The following LITAF variants were observed in gnomAD, a reference collection of about 807,000 sequenced individuals.
LITAF encodes lipopolysaccharide-induced tumor necrosis factor-alpha factor.
A neutral mutation model predicts 14.5 loss-of-function variants in LITAF; 9 were observed. The ratio of observed to expected loss-of-function variants is 0.62; its 90% CI spans 0.37 to 1.08. The LOEUF is 1.08. Ranked by LOEUF, LITAF falls within the 50% of genes least tolerant of loss-of-function variation. The pLI is 0.01. For synonymous variants in LITAF, 98 were observed against 88.2 expected (o/e 1.11, Z -0.62); for missense variants, 206 against 213.4 (o/e 0.97, Z 0.22).
chr16:11,630,033 G>T (rs2065108497), intron 3 of LITAF, among the ~76,000 whole-genome samples: 1 of 152,162 alleles, frequency 6.6e-6, no homozygotes, highest in South Asian at 2.1e-4. Context: ...AGCACCCACA[G>T]GTGCTCAGCG....
chr16:11,612,344 T>G (rs966453250), intron 3 of LITAF, among the ~76,000 whole-genome samples: 6 of 152,106 alleles, frequency 3.9e-5, no homozygotes, highest in Non-Finnish European at 8.8e-5. Flanking sequence ...ATCATTCTTG[T>G]GAAAAGGGGC....
chr16:11,560,583 A>C (rs112033749), intron 1 of LITAF, among the ~76,000 whole-genome samples: 48 of 27,586 alleles, frequency 1.7e-3, no homozygotes, highest in Non-Finnish European at 1.6e-3. Context: ...ATTCCATCTC[A>C]AAAAAAAAAA....
upstream of LITAF, among the ~76,000 whole-genome samples, chr16:11,601,553 G>T (rs1280373864): frequency 6.6e-6 from 1 of 152,138 alleles, no homozygotes; most frequent in Non-Finnish European, 1.5e-5. Context: ...AGGAAACACA[G>T]TAGGAGCCGC....
intron 1 of LITAF, among the ~76,000 whole-genome samples, chr16:11,597,036 A>C (rs2064893712): frequency 6.6e-6 from 1 of 152,204 alleles, no homozygotes; most frequent in South Asian, 2.1e-4. Flanking sequence ...GACTACAGGT[A>C]AAATTTGCAC....
At chr16:11,598,514 G>T (rs1330872504), upstream of LITAF, 1 of 152,246 alleles carries the variant, frequency 6.6e-6, no homozygotes, top group Non-Finnish European at 1.5e-5. Flanking sequence ...GCCAGAAGGG[G>T]AAGCGCAGGT....
At chr16:11,618,457 A>C (rs1314929694) in intron 3 of LITAF, among the ~76,000 whole-genome samples, 1 of 152,190 alleles carries the variant, frequency 6.6e-6, no homozygotes, top group Non-Finnish European at 1.5e-5. Context: ...TGCAGTCTGC[A>C]CTAACTGTGG....
intron 3 of LITAF, among the ~76,000 whole-genome samples, chr16:11,623,587 G>T (rs941749663): frequency 3.3e-5 from 5 of 151,866 alleles, no homozygotes; most frequent in Non-Finnish European, 7.4e-5. Context: ...TTGAACCCAG[G>T]AGGCAGAGGT....
chr16:11,570,239 G>T (rs1375538668), intron 1 of LITAF, among the ~76,000 whole-genome samples: 1 of 152,178 alleles, frequency 6.6e-6, no homozygotes, highest in African/African-American at 2.4e-5. Context: ...GCTGCTGTGA[G>T]AATGTAGTGA....
intron 3 of LITAF, among the ~76,000 whole-genome samples, chr16:11,629,573 C>T (rs539325297): frequency 6.6e-6 from 1 of 152,292 alleles, no homozygotes; most frequent in Non-Finnish European, 1.5e-5. Context: ...GTGGGAAACA[C>T]AGCTGTGAGC....
chr16:11,629,999 C>T (rs774552324), intron 3 of LITAF, among the ~76,000 whole-genome samples: 11 of 152,144 alleles, frequency 7.2e-5, no homozygotes, highest in South Asian at 6.2e-4. Context: ...AGAAGGAGTT[C>T]GGGTGCCTTC....
chr16:11,624,237 C>T (rs2065069969), intron 3 of LITAF, among the ~76,000 whole-genome samples: 1 of 152,182 alleles, frequency 6.6e-6, no homozygotes. Context: ...GTAAAGAGGG[C>T]CCCCAGCAGT....
intron 3 of LITAF, among the ~76,000 whole-genome samples, chr16:11,609,559 C>T (rs542012882): frequency 7.9e-5 from 12 of 152,044 alleles, no homozygotes; most frequent in Non-Finnish European, 1.5e-4. Context: ...ATGTAAATTA[C>T]GTATCCAAAA....
rs1197312239 is a variant in LITAF at position 11,632,445 on chromosome 16, T to C, written c.85+1088A>G. On this transcript the variant is annotated intron_variant, in intron 3 of 3. Coordinates refer to the LITAF transcript ENST00000574848. The surrounding 1 kb of genome is among the most constrained non-coding windows in gnomAD (Gnocchi z 4.8). ...AGGGCTACTATGCTCCACTGTCTGC[T>C]GGAAACCCTGTTGACAAAGGAGGAA... Among the ~76,000 whole-genome samples, 1 of 151,536 alleles carries C rather than the reference T, an allele frequency of 6.6e-6. No individual in the cohort carries two copies. The highest frequency in any genetic ancestry group is 1.5e-5 in the Non-Finnish European group (1 of 67,984).
intron 1 of LITAF, among the ~76,000 whole-genome samples, chr16:11,598,137 A>G (rs1469935979): frequency 6.6e-6 from 1 of 152,002 alleles, no homozygotes; most frequent in Non-Finnish European, 1.5e-5. Flanking sequence ...GGCTCAAGTG[A>G]TCCTCCTGCC....
intron 3 of LITAF, among the ~76,000 whole-genome samples, chr16:11,621,721 C>A (rs146651497): frequency 7.9e-5 from 12 of 152,204 alleles, no homozygotes; most frequent in Admixed American, 2.6e-4. Flanking sequence ...GAGTGGCCGG[C>A]TCCCTGACAC....
Position 11,556,572 on chromosome 16 carries a change from C to T in LITAF, c.159G>A (p.Gly53=), listed in dbSNP as rs886051653. The change falls in exon 2 of 4, where the codon GGG becomes GGA. Residue 53 remains glycine (G), a synonymous_variant. Transcript: ENST00000622633. Reference sequence around the variant, plus strand: ...AATACGAAGGAGGATTCATGCCCTTCCCATCAGGCCCCGTCACAAGCCCCG... The same window carrying T: ...AATACGAAGGAGGATTCATGCCCTTTCCATCAGGCCCCGTCACAAGCCCCG... ...PTTGLVTGPD[G]KGMNPPSYYT... is the part of the protein sequence containing the mutation. The T allele has an allele frequency of 6.2e-7, 1 of 1,614,188 alleles. No individual in the cohort carries two copies. The highest frequency in any genetic ancestry group is 1.1e-5 in the South Asian group (1 of 91,088).
intron 1 of LITAF, among the ~76,000 whole-genome samples, chr16:11,594,083 G>C (rs1157418785): frequency 6.6e-6 from 1 of 152,038 alleles, no homozygotes; most frequent in East Asian, 1.9e-4. Context: ...CTACTTGGGA[G>C]GCTGAGGTGG....
Position 11,549,447 on chromosome 16 carries a change from C to G in LITAF, c.*190G>C. ...ATGTCTTTGCAAGTCCTATGCACGA[C>G]TCCAAGCAGCAATTTCTGGGGTTTG... On this transcript the variant is annotated 3_prime_UTR_variant, in exon 4 of 4. Transcript: ENST00000622633. The surrounding 1 kb of genome is among the most constrained non-coding windows in gnomAD (Gnocchi z 4.6). 1.5e-6 allele frequency: 1 copy of G among 650,396 alleles called. No homozygotes were observed. The highest frequency in any genetic ancestry group is 3.0e-5 in the East Asian group (1 of 32,788). The allele number at this position is 650,396 out of a possible 1,614,324, so 40.3% of individuals were successfully genotyped here.
upstream of LITAF, among the ~76,000 whole-genome samples, chr16:11,600,128 G>C (rs1473501426): frequency 1.3e-5 from 2 of 152,140 alleles, no homozygotes; most frequent in African/African-American, 2.4e-5. The surrounding 1 kb of genome is among the most constrained non-coding windows in gnomAD (Gnocchi z 4.1). Flanking sequence ...CTCCCGAGTA[G>C]CTGGGACTAC....
Sources: gnomAD v4.1 joint callset for allele counts (sites outside exome capture counted in the v4.1 genomes callset) on GRCh38, gnomAD v4.1.1 for gene constraint, Gnocchi (gnomAD v3.1) non-coding constraint, MANE v1.5 for transcripts, NCBI Gene and HGNC (gene_info 2026-07-23, HGNC 2026-07-21) for gene names.